MGMT: variants seen among roughly 807,000 people sequenced by gnomAD.
The protein encoded by MGMT is methylated-DNA--protein-cysteine methyltransferase.
MGMT carries 14 observed loss-of-function variants against 15.9 expected under a neutral mutation model. The ratio of observed to expected loss-of-function variants is 0.88; its 90% CI spans 0.58 to 1.37. The LOEUF is 1.37. Among genes scored for constraint, MGMT ranks in the 40% most tolerant of loss-of-function variants. The pLI, the probability that MGMT is intolerant of heterozygous loss-of-function variation, is 0.00. For synonymous variants in MGMT, 130 were observed against 118.2 expected, an observed-to-expected ratio of 1.10 and a Z score of -0.65; for missense variants, 282 against 268.1, an observed-to-expected ratio of 1.05 and a Z score of -0.36.
At chr10:129,585,505 G>A (rs1161461066) in intron 2 of MGMT, among the ~76,000 whole-genome samples, 1 of 152,158 alleles carries the variant, frequency 6.6e-6, no homozygotes, top group Non-Finnish European at 1.5e-5. Flanking sequence ...ACATCCGCAG[G>A]TGCTCAAGCC....
chr10:129,508,756 A>G (rs935901900), intron 1 of MGMT, among the ~76,000 whole-genome samples: 6 of 152,032 alleles, frequency 3.9e-5, no homozygotes, highest in African/African-American at 1.4e-4. Context: ...CATGTTGGCC[A>G]GGCTGGTCTT....
At chr10:129,677,170 G>T (rs1564757903) in intron 2 of MGMT, among the ~76,000 whole-genome samples, 2 of 149,904 alleles carry the variant, frequency 1.3e-5, no homozygotes, top group Admixed American at 6.6e-5. Context: ...AAACACATGT[G>T]TTTTTTTTTT....
At chr10:129,701,880 A>T (rs1037135038) in intron 2 of MGMT, 1 of 152,156 alleles carries the variant, frequency 6.6e-6, no homozygotes, top group African/African-American at 2.4e-5. Flanking sequence ...CGTTCTTGAT[A>T]ATATCAGTGT....
chr10:129,522,374 A>G (rs981493060), intron 1 of MGMT, among the ~76,000 whole-genome samples: 3 of 152,170 alleles, frequency 2.0e-5, no homozygotes, highest in Non-Finnish European at 4.4e-5. Flanking sequence ...CTTTGCAGAA[A>G]GCTACTGTTC....
chr10:129,467,470 C>A, intron 1 of MGMT, 174 bp downstream of exon 1: 1 of 968,662 alleles, frequency 1.0e-6, no homozygotes, highest in Non-Finnish European at 1.2e-6. Flanking sequence ...CCAGGTGTTG[C>A]CCAGCCTTTC....
chr10:129,605,415 C>T (rs1182606272), intron 2 of MGMT, among the ~76,000 whole-genome samples: 1 of 152,184 alleles, frequency 6.6e-6, no homozygotes, highest in Non-Finnish European at 1.5e-5. Context: ...TCATGGGCCC[C>T]TGTCCCCATC....
intron 3 of MGMT, among the ~76,000 whole-genome samples, chr10:129,710,127 C>T (rs963670874): frequency 3.9e-5 from 6 of 152,198 alleles, no homozygotes; most frequent in South Asian, 2.1e-4. Context: ...TTTCAGCCCA[C>T]GCCAGGCCAG....
intron 2 of MGMT, among the ~76,000 whole-genome samples, chr10:129,553,030 C>T (rs1427913242): frequency 6.6e-6 from 1 of 152,136 alleles, no homozygotes; most frequent in African/African-American, 2.4e-5. Flanking sequence ...AAATTAATGA[C>T]ATAGAGCTTG....
intron 1 of MGMT, among the ~76,000 whole-genome samples, chr10:129,512,697 TGTA>T (rs1190613418): frequency 6.6e-6 from 1 of 152,228 alleles, no homozygotes; most frequent in East Asian, 1.9e-4. Context: ...GTTGTTGAAT[TGTA>T]GTCTGTGCCG....
At chr10:129,544,944 G>A (rs566892541) in intron 2 of MGMT, among the ~76,000 whole-genome samples, 1 of 152,298 alleles carries the variant, frequency 6.6e-6, no homozygotes, top group South Asian at 2.1e-4. Context: ...GCGTGGCCAG[G>A]GGTCAGGCAG....
At chr10:129,666,378 A>T (rs1188798282) in intron 2 of MGMT, among the ~76,000 whole-genome samples, 1 of 152,132 alleles carries the variant, frequency 6.6e-6, no homozygotes, top group Non-Finnish European at 1.5e-5. Context: ...GAGAAAATTT[A>T]TATTTCTGAT....
chr10:129,611,278 T>C (rs1352208067), intron 2 of MGMT, among the ~76,000 whole-genome samples: 1 of 152,146 alleles, frequency 6.6e-6, no homozygotes, highest in African/African-American at 2.4e-5. Context: ...TGGAGAGGCC[T>C]CAGGAAACTT....
At chr10:129,712,980 T>G (rs969131394) in intron 3 of MGMT, among the ~76,000 whole-genome samples, 3 of 152,184 alleles carry the variant, frequency 2.0e-5, no homozygotes, top group Non-Finnish European at 4.4e-5. Flanking sequence ...TAAGTCGTGA[T>G]CCAGCCTGAG....
chr10:129,710,787 A>G (rs1187559368), intron 3 of MGMT, among the ~76,000 whole-genome samples: 2 of 152,204 alleles, frequency 1.3e-5, no homozygotes, highest in African/African-American at 2.4e-5. Context: ...GCTGTGGAGT[A>G]ACAGAAATCA....
At chr10:129,542,224 G>A (rs1338223291) in intron 2 of MGMT, among the ~76,000 whole-genome samples, 2 of 152,078 alleles carry the variant, frequency 1.3e-5, no homozygotes, top group Admixed American at 6.6e-5. Flanking sequence ...GAACTCAGTC[G>A]ACCCTCAGCC....
At chr10:129,521,655 T>G (rs2119726202) in intron 1 of MGMT, among the ~76,000 whole-genome samples, 1 of 152,270 alleles carries the variant, frequency 6.6e-6, no homozygotes, top group Non-Finnish European at 1.5e-5. Flanking sequence ...TGGGGAGATG[T>G]GACCAGAGCT....
chr10:129,613,504 G>A (rs1045536550), intron 2 of MGMT, among the ~76,000 whole-genome samples: 4 of 152,190 alleles, frequency 2.6e-5, no homozygotes, highest in African/African-American at 9.7e-5. Context: ...ACCCTAGTCT[G>A]TCGGGAGGTC....
chr10:129,731,441 C>A (rs1848496763), intron 3 of MGMT, among the ~76,000 whole-genome samples: 1 of 146,648 alleles, frequency 6.8e-6, no homozygotes. Flanking sequence ...CGGCTTACTG[C>A]AACATCTGCC....
At chr10:129,583,265 C>T (rs1846578397) in intron 2 of MGMT, among the ~76,000 whole-genome samples, 1 of 152,150 alleles carries the variant, frequency 6.6e-6, no homozygotes, top group African/African-American at 2.4e-5. Flanking sequence ...ACCAATCTAA[C>T]AGTAAACAAT....
Sources: allele counts gnomAD v4.1 joint callset (sites outside exome capture counted in the v4.1 genomes callset), GRCh38; gene constraint gnomAD v4.1.1; transcripts MANE v1.5; gene names NCBI Gene and HGNC (gene_info 2026-07-23, HGNC 2026-07-21).